Variants in STK39 observed in about 807,000 individuals in gnomAD.
The protein encoded by STK39 is serine/threonine kinase 39, also known as STE20/SPS1-related proline-alanine-rich protein kinase.
STK39 carries 20 observed loss-of-function variants against 77.8 expected under a neutral mutation model. The observed-to-expected ratio is 0.26, with a 90% confidence interval of 0.18 to 0.37. The LOEUF is 0.37. Ranked by LOEUF, STK39 falls within the 10% of genes least tolerant of loss-of-function variation. The pLI, the probability that STK39 is intolerant of heterozygous loss-of-function variation, is 1.00. For synonymous variants in STK39, 246 were observed against 234.1 expected (o/e 1.05, Z -0.47); for missense variants, 479 against 656.5 (o/e 0.73, Z 2.95).
At chr2:168,025,548 C>T (rs1684673581) in intron 14 of STK39, among the ~76,000 whole-genome samples, 1 of 152,202 alleles carries the variant, frequency 6.6e-6, no homozygotes, top group Non-Finnish European at 1.5e-5. Context: ...CACATGCACT[C>T]ACATATACAC....
chr2:167,976,310 A>T (rs926000196), intron 16 of STK39, among the ~76,000 whole-genome samples: 3 of 152,230 alleles, frequency 2.0e-5, no homozygotes, highest in Admixed American at 6.5e-5. Context: ...AATTATTAAG[A>T]GGGAGATCTG....
intron 10 of STK39, among the ~76,000 whole-genome samples, chr2:168,083,690 G>A (rs991560979): frequency 6.6e-6 from 1 of 152,088 alleles, no homozygotes; most frequent in African/African-American, 2.4e-5. Context: ...ACTGACTCAT[G>A]TAATGTGGCT....
At chr2:167,979,313 T>C (rs1242586335) in intron 16 of STK39, among the ~76,000 whole-genome samples, 2 of 152,224 alleles carry the variant, frequency 1.3e-5, no homozygotes, top group African/African-American at 4.8e-5. Flanking sequence ...GAGAGTTCTA[T>C]ACATTAGAAC....
At chr2:168,087,993 T>C (rs539052658) in intron 10 of STK39, among the ~76,000 whole-genome samples, 2 of 152,246 alleles carry the variant, frequency 1.3e-5, no homozygotes, top group South Asian at 4.2e-4. Context: ...GTCTAAGAAA[T>C]ATAATCGACA....
At chr2:168,011,238 G>T (rs1378063854) in intron 16 of STK39, among the ~76,000 whole-genome samples, 4 of 151,832 alleles carry the variant, frequency 2.6e-5, no homozygotes, top group Non-Finnish European at 5.9e-5. Flanking sequence ...GGCGGAGGTT[G>T]CAGTGGGCCG....
chr2:167,973,649 C>A (rs908576278), intron 16 of STK39, among the ~76,000 whole-genome samples: 1 of 152,112 alleles, frequency 6.6e-6, no homozygotes, highest in Non-Finnish European at 1.5e-5. Flanking sequence ...AATGGTTTTA[C>A]ATGCAAGGTG....
intron 1 of STK39, among the ~76,000 whole-genome samples, chr2:168,182,488 A>C (rs1199000499): frequency 6.6e-6 from 1 of 152,154 alleles, no homozygotes; most frequent in Non-Finnish European, 1.5e-5. Context: ...TGAGAAGCTG[A>C]GATAATTGAT....
intron 5 of STK39, among the ~76,000 whole-genome samples, chr2:168,158,536 C>T (rs138953697): frequency 3.9e-5 from 6 of 152,278 alleles, no homozygotes; most frequent in South Asian, 2.1e-4. Flanking sequence ...AGCTAGTGAT[C>T]GCTGGGGTAT....
At chr2:168,212,799 G>A (rs761010273) in intron 1 of STK39, among the ~76,000 whole-genome samples, 2 of 152,268 alleles carry the variant, frequency 1.3e-5, no homozygotes, top group East Asian at 1.9e-4. Flanking sequence ...AGGGTCCTCC[G>A]ATCATCCTCT....
At chr2:168,026,157 T>C (rs1278612109) in intron 14 of STK39, among the ~76,000 whole-genome samples, 1 of 152,164 alleles carries the variant, frequency 6.6e-6, no homozygotes, top group Non-Finnish European at 1.5e-5. Flanking sequence ...AAGTTTCCGA[T>C]CTTTGCAGAA....
chr2:168,042,070 C>T (rs1024814580), intron 14 of STK39, among the ~76,000 whole-genome samples: 3 of 152,164 alleles, frequency 2.0e-5, no homozygotes, highest in Non-Finnish European at 4.4e-5. Context: ...ACTATAATTT[C>T]CTGGTTGCTA....
At chr2:168,144,143 A>T (rs1385774401) in intron 5 of STK39, among the ~76,000 whole-genome samples, 1 of 152,102 alleles carries the variant, frequency 6.6e-6, no homozygotes, top group Non-Finnish European at 1.5e-5. Flanking sequence ...TGATTTGGAG[A>T]GTGGCAGATC....
At chr2:168,042,656 C>T (rs1559070089) in intron 14 of STK39, among the ~76,000 whole-genome samples, 1 of 150,020 alleles carries the variant, frequency 6.7e-6, no homozygotes, top group Non-Finnish European at 1.5e-5. Flanking sequence ...TCTTGGCTCA[C>T]TGCAACCTCT....
intron 7 of STK39, among the ~76,000 whole-genome samples, chr2:168,138,906 T>C (rs1168257161): frequency 6.6e-6 from 1 of 152,204 alleles, no homozygotes; most frequent in Admixed American, 6.5e-5. Flanking sequence ...TCTTTCATAC[T>C]AACTTCAAAA....
Position 168,140,772 on chromosome 2 carries a change from A to G in STK39, c.629-14T>C. On this transcript the variant is annotated splice_polypyrimidine_tract_variant and intron_variant, in intron 5 of 17. Coordinates refer to ENST00000355999, the MANE Select transcript of STK39 (RefSeq NM_013233.3). ...TTACCCCAAAATCTGAAAGGGAAAA[A>G]AAAATCACCTTTATTTTATGTAAGA... The G allele has an allele frequency of 6.4e-7, 1 of 1,564,668 alleles. No homozygotes were observed. The highest frequency in any genetic ancestry group is 2.3e-5 in the East Asian group (1 of 44,212).
chr2:168,229,890 G>C (rs2105258134), intron 1 of STK39, among the ~76,000 whole-genome samples: 1 of 152,226 alleles, frequency 6.6e-6, no homozygotes, highest in African/African-American at 2.4e-5. Flanking sequence ...AACATCTTTA[G>C]ATTGTTTAGC....
chr2:168,161,932 A>G, intron 4 of STK39, 90 bp from the exon 5 acceptor site: 2 of 856,062 alleles, frequency 2.3e-6, no homozygotes, highest in Non-Finnish European at 1.8e-6. Flanking sequence ...CATATCATAC[A>G]ACGCAGCTCT....
chr2:168,223,865 A>G (rs1200658733), intron 1 of STK39, among the ~76,000 whole-genome samples: 1 of 152,074 alleles, frequency 6.6e-6, no homozygotes, highest in Non-Finnish European at 1.5e-5. Context: ...ATTGCTTTTA[A>G]AAGTCCTCCT....
At chr2:168,137,728 G>C (rs1159093141) in intron 8 of STK39, among the ~76,000 whole-genome samples, 1 of 152,238 alleles carries the variant, frequency 6.6e-6, no homozygotes, top group African/African-American at 2.4e-5. Context: ...AATCCTGAGA[G>C]GTCAGTTCAA....
Sources: allele counts gnomAD v4.1 joint callset (sites outside exome capture counted in the v4.1 genomes callset), GRCh38; gene constraint gnomAD v4.1.1; transcripts MANE v1.5; gene names NCBI Gene and HGNC (gene_info 2026-07-23, HGNC 2026-07-21).